FAM222B: variants seen among roughly 807,000 people sequenced by gnomAD.
The protein encoded by FAM222B is family with sequence similarity 222 member B.
FAM222B carries 12 observed loss-of-function variants against 38.0 expected under a neutral mutation model. That is an observed-to-expected ratio of 0.32 (90% CI 0.20 to 0.51). FAM222B has a LOEUF of 0.51. Among genes scored for constraint, FAM222B ranks in the 20% least tolerant of loss-of-function variants. The pLI is 0.97. For missense variants in FAM222B, 716 were observed against 754.2 expected (o/e 0.95, Z 0.59); for synonymous variants, 329 against 317.2 (o/e 1.04, Z -0.40).
chr17:28,778,385 T>C (rs2035993024), intron 1 of FAM222B, among the ~76,000 whole-genome samples: 1 of 151,950 alleles, frequency 6.6e-6, no homozygotes, highest in Non-Finnish European at 1.5e-5. Context: ...CTGAGAATGA[T>C]GGTTTCCTGC....
upstream of FAM222B, among the ~76,000 whole-genome samples, chr17:28,846,120 G>A (rs540669629): frequency 1.4e-4 from 21 of 148,514 alleles, no homozygotes; most frequent in Non-Finnish European, 2.1e-4. Context: ...GGAGAACGGC[G>A]TGAACCCAGG....
At chr17:28,814,651 G>C (rs999897484) in intron 1 of FAM222B, among the ~76,000 whole-genome samples, 1 of 152,038 alleles carries the variant, frequency 6.6e-6, no homozygotes, top group African/African-American at 2.4e-5. Flanking sequence ...ATTTTTACTC[G>C]AGACGGGGTT....
intron 1 of FAM222B, among the ~76,000 whole-genome samples, chr17:28,826,354 G>A (rs1305413608): frequency 6.6e-6 from 1 of 151,282 alleles, no homozygotes; most frequent in African/African-American, 2.4e-5. Context: ...ACAGGCATAA[G>A]CCACCCACGC....
upstream of FAM222B, among the ~76,000 whole-genome samples, chr17:28,846,361 G>GTCTC (rs1273175829): frequency 1.3e-5 from 2 of 151,578 alleles, no homozygotes; most frequent in Non-Finnish European, 2.9e-5. Flanking sequence ...GTGAGACTGT[G>GTCTC]TCTCAAAAAA....
chr17:28,802,225 G>C (rs2037270157), intron 1 of FAM222B, among the ~76,000 whole-genome samples: 1 of 151,896 alleles, frequency 6.6e-6, no homozygotes, highest in Non-Finnish European at 1.5e-5. Context: ...AGCCTCCCGA[G>C]TAGCTGGGAT....
intron 1 of FAM222B, among the ~76,000 whole-genome samples, chr17:28,852,223 C>T (rs535252240): frequency 1.7e-4 from 26 of 151,802 alleles, no homozygotes; most frequent in African/African-American, 3.4e-4. Flanking sequence ...AAAAATTAGC[C>T]GGGCATGGTG....
At chr17:28,792,572 G>A (rs1184275182) in intron 1 of FAM222B, among the ~76,000 whole-genome samples, 1 of 151,884 alleles carries the variant, frequency 6.6e-6, no homozygotes, top group African/African-American at 2.4e-5. Flanking sequence ...CCTGAGGTCA[G>A]GAGTTCAATA....
intron 2 of FAM222B, among the ~76,000 whole-genome samples, chr17:28,765,152 G>A (rs1258349602): frequency 6.6e-6 from 1 of 152,176 alleles, no homozygotes; most frequent in Non-Finnish European, 1.5e-5. Context: ...ACATAGAGCT[G>A]GATTCACTGG....
At chr17:28,852,694 C>T (rs889272046) in intron 1 of FAM222B, among the ~76,000 whole-genome samples, 2 of 152,116 alleles carry the variant, frequency 1.3e-5, no homozygotes, top group Non-Finnish European at 2.9e-5. Flanking sequence ...CCACAGCCCT[C>T]TCCTGCTCAA....
Position 28,759,699 on chromosome 17 carries a change from C to G in FAM222B, c.260G>C (p.Arg87Pro). The change falls in exon 3 of 3, where the codon CGC becomes CCC. Residue 87 changes from arginine (R) to proline (P), a missense_variant. Arg to Pro is a moderately radical substitution (Grantham distance 103). Transcript: ENST00000581407. The surrounding 1 kb of genome is among the most constrained non-coding windows in gnomAD (Gnocchi z 4.8). ...AGCCTGTGTCGGGTAGGGGCTGTAG[C>G]GCTGGGCTGATGTGTCGAGGCCGTT... ...TVNGLDTSAQ[R>P]YSPYPTQAAT... The G allele has an allele frequency of 6.2e-7, 1 of 1,613,612 alleles. No homozygotes were observed. Among genetic ancestry groups the G allele is most frequent in the Non-Finnish European group, 8.5e-7 (1 of 1,179,742 alleles).
At chr17:28,846,107 G>A (rs1383777896), upstream of FAM222B, among the ~76,000 whole-genome samples, 1 of 151,288 alleles carries the variant, frequency 6.6e-6, no homozygotes, top group Non-Finnish European at 1.5e-5. Flanking sequence ...GGAGGCTGAG[G>A]CAGGAGAACG....
At position 28,756,726 on chromosome 17, in the gene FAM222B, CT is replaced by C. The variant is rs751631265; in HGVS notation, c.*1543del. The C allele has an allele frequency of 1.4e-3, 205 of 145,010 alleles. No individual in the cohort carries two copies. The highest frequency in any genetic ancestry group is 1.5e-3 in the African/African-American group (61 of 39,714). 9.0% of individuals were successfully genotyped at this position (145,010 alleles called of 1,614,324 possible). ...TATCATTTGGCATAACACAATCAGG[CT>C]TTTTTTTTTTTCTTTTTCCTTTTAA... On this transcript the variant is annotated 3_prime_UTR_variant, in exon 3 of 3. Transcript: ENST00000581407.
intron 1 of FAM222B, among the ~76,000 whole-genome samples, chr17:28,771,142 G>C (rs1039095684): frequency 5.3e-5 from 8 of 151,810 alleles, no homozygotes; most frequent in Non-Finnish European, 1.2e-4. Context: ...CATATAGAAG[G>C]CTTTATAAAA....
chr17:28,802,369 A>T (rs137992445), intron 1 of FAM222B: 1 of 151,878 alleles, frequency 6.6e-6, no homozygotes, highest in East Asian at 1.9e-4. Context: ...AAGTGCTGGG[A>T]TTATAGACAT....
At chr17:28,762,632 A>G (rs2035137549) in intron 2 of FAM222B, among the ~76,000 whole-genome samples, 1 of 145,212 alleles carries the variant, frequency 6.9e-6, no homozygotes, top group African/African-American at 2.6e-5. Flanking sequence ...ATCTCAAAAA[A>G]AAAAAAAAAA....
intron 1 of FAM222B, among the ~76,000 whole-genome samples, chr17:28,839,963 A>G (rs1011461331): frequency 1.1e-4 from 16 of 151,830 alleles, no homozygotes; most frequent in African/African-American, 3.9e-4. Context: ...TTACTCAGGT[A>G]AAAGACCAAT....
At chr17:28,809,579 T>TA (rs2037647774) in intron 1 of FAM222B, among the ~76,000 whole-genome samples, 1 of 152,210 alleles carries the variant, frequency 6.6e-6, no homozygotes, top group Non-Finnish European at 1.5e-5. Context: ...CATTTATGAT[T>TA]AGTTCTATAC....
chr17:28,812,057 G>A (rs1010964019), intron 1 of FAM222B: 3 of 152,160 alleles, frequency 2.0e-5, no homozygotes, highest in Non-Finnish European at 4.4e-5. Context: ...GGGGTGAGAT[G>A]AAGGGAAGGA....
At chr17:28,797,382 G>A (rs1463735551) in intron 1 of FAM222B, among the ~76,000 whole-genome samples, 2 of 152,122 alleles carry the variant, frequency 1.3e-5, no homozygotes, top group Admixed American at 6.6e-5. Context: ...AAGCAGATCT[G>A]TCTCTGAGCT....
Sources: allele counts gnomAD v4.1 joint callset (sites outside exome capture counted in the v4.1 genomes callset), GRCh38; gene constraint gnomAD v4.1.1; non-coding constraint Gnocchi (gnomAD v3.1); transcripts MANE v1.5; gene names NCBI Gene and HGNC (gene_info 2026-07-23, HGNC 2026-07-21).